The following TAF1A variants were observed in gnomAD, a reference collection of about 807,000 sequenced individuals.
TAF1A encodes TATA-box binding protein associated factor, RNA polymerase I subunit A, also known as TATA box-binding protein-associated factor RNA polymerase I subunit A.
Under a neutral mutation model 61.6 loss-of-function variants are expected in TAF1A, and 42 were observed. That is an observed-to-expected ratio of 0.68 (90% CI 0.53 to 0.88). The LOEUF (loss-of-function observed/expected upper bound fraction) is 0.88, where lower values mean the gene tolerates loss of function less well. Among genes scored for constraint, TAF1A ranks in the 40% least tolerant of loss-of-function variants. TAF1A has a pLI of 0.00. For synonymous variants in TAF1A, 179 were observed against 177.7 expected (o/e 1.01, Z -0.06); for missense variants, 424 against 518.7 (o/e 0.82, Z 1.77).
intron 5 of TAF1A, 119 bp downstream of exon 5, chr1:222,577,325 TA>T: frequency 1.3e-6 from 1 of 746,358 alleles, no homozygotes; most frequent in Non-Finnish European, 2.2e-6. Flanking sequence ...TTTAAATCCA[TA>T]AAAAGTCTGT....
chr1:222,589,888 C>T lies in TAF1A; in HGVS notation c.-164G>A. On this transcript the variant is annotated 5_prime_UTR_variant, in exon 1 of 11. Coordinates refer to ENST00000352967, the MANE Select transcript of TAF1A (RefSeq NM_005681.4). ...GCGCGCGGCCCGGCTCGTAACTCCTCCTGCTGCAGCAGGCGTATCGTTGGC... is the reference window on the plus strand; with the variant it reads ...GCGCGCGGCCCGGCTCGTAACTCCTTCTGCTGCAGCAGGCGTATCGTTGGC... 2.5e-6 allele frequency: 1 copy of T among 396,702 alleles called. No homozygotes were observed. Among genetic ancestry groups the T allele is most frequent in the Non-Finnish European group, 4.4e-6 (1 of 225,394 alleles). The allele number at this position is 396,702 out of a possible 1,614,324, so 24.6% of individuals were successfully genotyped here.
intron 7 of TAF1A, among the ~76,000 whole-genome samples, chr1:222,566,210 G>A (rs1157742838): frequency 6.6e-6 from 1 of 152,036 alleles, no homozygotes; most frequent in Non-Finnish European, 1.5e-5. Context: ...TGGCCAATAA[G>A]CACATGAAAA....
At chr1:222,568,712 T>C (rs1660220741) in intron 7 of TAF1A, 1 of 152,224 alleles carries the variant, frequency 6.6e-6, no homozygotes, top group Non-Finnish European at 1.5e-5. Context: ...GTTAAGCATA[T>C]ACTTTCCTTA....
Position 222,563,361 on chromosome 1 carries a change from T to G in TAF1A, c.962-65A>C, listed in dbSNP as rs552683511. 11 of 1,525,228 alleles carry G rather than the reference T, an allele frequency of 7.2e-6. No individual in the cohort carries two copies. In the South Asian group the frequency reaches 1.1e-4, roughly 15 times the overall value. The allele number at this position is 1,525,228 out of a possible 1,614,324, so 94.5% of individuals were successfully genotyped here. A position where few individuals can be genotyped will look rare whatever the true frequency, so the allele number is the denominator to read the frequency against. ...AAAGTGTACAAAGCTAAAATTTACA[T>G]GTATACATTTTATCAACTGTATATA... On this transcript the variant is annotated intron_variant, in intron 8 of 10. Coordinates refer to ENST00000352967, the MANE Select transcript of TAF1A (RefSeq NM_005681.4).
downstream of TAF1A, among the ~76,000 whole-genome samples, chr1:222,555,170 C>T (rs74901863): frequency 3.7e-3 from 566 of 152,244 alleles, 3 homozygotes; most frequent in African/African-American, 0.013. Flanking sequence ...GAAGAGGAAG[C>T]GCTTGTATGC....
At chr1:222,579,392 C>A (rs1359252528) in intron 4 of TAF1A, among the ~76,000 whole-genome samples, 2 of 152,072 alleles carry the variant, frequency 1.3e-5, no homozygotes, top group African/African-American at 2.4e-5. Context: ...AATATTTTCA[C>A]GTATTTAAAT....
chr1:222,563,895 T>C lies in TAF1A; in HGVS notation c.961+164A>G, dbSNP rs564407854. Among the ~76,000 whole-genome samples the C allele has an allele frequency of 2.0e-5, 3 of 152,326 alleles. No homozygotes were observed. The East Asian group carries it at 5.8e-4, about 29-fold the overall frequency. ...TCACAACTACACGGCTCTGTCACTA[T>C]AGTGCAAAAGCAGCCGCAGACAATA... On this transcript the variant is annotated intron_variant, in intron 8 of 10. Coordinates refer to ENST00000352967, the MANE Select transcript of TAF1A (RefSeq NM_005681.4).
At chr1:222,558,821 A>G (rs374049634) in intron 10 of TAF1A, 49 bp from the exon 11 acceptor site, 40 of 897,678 alleles carry the variant, frequency 4.5e-5, no homozygotes, top group Non-Finnish European at 5.1e-5. Flanking sequence ...CACATTTTTC[A>G]AGTATATTTC....
intron 1 of TAF1A, among the ~76,000 whole-genome samples, chr1:222,589,321 T>TA (rs1661156739): frequency 1.3e-5 from 2 of 152,184 alleles, no homozygotes; most frequent in African/African-American, 2.4e-5. Context: ...AGCACTACTC[T>TA]AGTTCAAGAC....
intron 5 of TAF1A, among the ~76,000 whole-genome samples, chr1:222,571,829 A>G (rs1330504149): frequency 2.0e-5 from 3 of 152,190 alleles, no homozygotes; most frequent in East Asian, 3.8e-4. Flanking sequence ...GCCTTTTTGC[A>G]TAAGTTGACA....
chr1:222,568,696 T>C (rs1234141410), intron 7 of TAF1A: 1 of 152,186 alleles, frequency 6.6e-6, no homozygotes. Context: ...GGCAGTTTCT[T>C]AGGAAGTTAA....
At chr1:222,587,742 A>C (rs1558156653) in intron 2 of TAF1A, among the ~76,000 whole-genome samples, 1 of 152,196 alleles carries the variant, frequency 6.6e-6, no homozygotes, top group Non-Finnish European at 1.5e-5. Context: ...ACATTAGATA[A>C]AAATGGGGGA....
chr1:222,555,518 T>C (rs940995685), downstream of TAF1A, among the ~76,000 whole-genome samples: 47 of 152,198 alleles, frequency 3.1e-4, no homozygotes, highest in African/African-American at 1.1e-3. Context: ...GTCCAATTCA[T>C]AGAAGCAGAG....
In TAF1A at chr1:222,563,158, C is replaced by A. The variant is rs1558141510; in HGVS notation, c.1085+15G>T. ...ATTTATGATGACCTAGTAATAAACA[C>A]TGTATGTTTCTTACCCCATTAAGAT... On this transcript the variant is annotated intron_variant, in intron 9 of 10. Transcript: ENST00000352967. The A allele has an allele frequency of 6.3e-7, 1 of 1,589,330 alleles. No individual in the cohort carries two copies. The highest frequency in any genetic ancestry group is 8.6e-7 in the Non-Finnish European group (1 of 1,162,982).
intron 5 of TAF1A, among the ~76,000 whole-genome samples, chr1:222,575,090 T>C (rs570151234): frequency 1.3e-5 from 2 of 152,282 alleles, no homozygotes; most frequent in East Asian, 1.9e-4. Context: ...AAAATAGCTA[T>C]TAGAAGCACA....
intron 2 of TAF1A, among the ~76,000 whole-genome samples, chr1:222,585,088 T>A (rs925096609): frequency 2.0e-5 from 3 of 152,182 alleles, no homozygotes; most frequent in African/African-American, 7.2e-5. Flanking sequence ...ACAATCAAAA[T>A]CATTACACAC....
At chr1:222,556,121 C>T (rs67991082), downstream of TAF1A, among the ~76,000 whole-genome samples, 14,727 of 152,134 alleles carry the variant, frequency 0.097, 862 homozygotes, top group South Asian at 0.17. Flanking sequence ...GAAGCATAAT[C>T]ACTAATCCCA....
intron 9 of TAF1A, among the ~76,000 whole-genome samples, chr1:222,562,603 T>C (rs1323993983): frequency 6.6e-6 from 1 of 152,182 alleles, no homozygotes; most frequent in Non-Finnish European, 1.5e-5. Flanking sequence ...CTTTGTAATA[T>C]CCCTTCTTCT....
At chr1:222,558,081 ACTGT>A (rs1296711619), downstream of TAF1A, 1 of 151,768 alleles carries the variant, frequency 6.6e-6, no homozygotes, top group Non-Finnish European at 1.5e-5. Context: ...ACAGGGTTTC[ACTGT>A]GTTGGCCAGG....
Sources: allele counts gnomAD v4.1 joint callset (sites outside exome capture counted in the v4.1 genomes callset), GRCh38; gene constraint gnomAD v4.1.1; transcripts MANE v1.5; gene names NCBI Gene and HGNC (gene_info 2026-07-23, HGNC 2026-07-21).